The following APAF1 variants were observed in gnomAD, a reference collection of about 807,000 sequenced individuals.
APAF1 encodes apoptotic peptidase activating factor 1.
Under a neutral mutation model 152.4 loss-of-function variants are expected in APAF1, and 91 were observed. That is an observed-to-expected ratio of 0.60 (90% CI 0.50 to 0.71). The LOEUF is 0.71. APAF1 is among the 30% of genes least tolerant of loss of function. The pLI is 0.00. For missense variants in APAF1, 1,283 were observed against 1,472.0 expected (o/e 0.87, Z 2.10); for synonymous variants, 484 against 494.1 (o/e 0.98, Z 0.27).
At chr12:98,704,372 A>G (rs2097719088) in intron 18 of APAF1, among the ~76,000 whole-genome samples, 1 of 152,192 alleles carries the variant, frequency 6.6e-6, no homozygotes, top group African/African-American at 2.4e-5. Flanking sequence ...GAAGATGGGT[A>G]TGGGCCTTTT....
chr12:98,689,505 A>G (rs2097701890), intron 16 of APAF1, among the ~76,000 whole-genome samples: 1 of 151,562 alleles, frequency 6.6e-6, no homozygotes, highest in Non-Finnish European at 1.5e-5. Context: ...TGAGAGAGAG[A>G]CACAGGGTCT....
At chr12:98,669,884 C>T (rs2097677878) in intron 10 of APAF1, among the ~76,000 whole-genome samples, 1 of 141,332 alleles carries the variant, frequency 7.1e-6, no homozygotes, top group South Asian at 2.6e-4. Flanking sequence ...CCCTTCCCCT[C>T]CCCTCCCCTC....
At chr12:98,709,425 C>G (rs551147904) in intron 20 of APAF1, among the ~76,000 whole-genome samples, 1 of 151,978 alleles carries the variant, frequency 6.6e-6, no homozygotes. Flanking sequence ...TTCAGGAGCT[C>G]GGAGTGGTGG....
In APAF1 at chr12:98,676,557, G is replaced by A. The variant is rs368437914; in HGVS notation, c.1794-868G>A. ...GCAGTAATATAATATCTATACTGGT[G>A]GAATAGTTGATATTCATTAGATTGA... On this transcript the variant is annotated intron_variant, in intron 12 of 26. Transcript: ENST00000551964. Among the ~76,000 whole-genome samples the A allele has an allele frequency of 5.3e-5, 8 of 152,100 alleles. No individual in the cohort carries two copies. In the East Asian group the frequency reaches 1.4e-3, roughly 26 times the overall value.
In APAF1 at chr12:98,733,916, T is replaced by C. The variant is rs983090674; in HGVS notation, c.*1350T>C. The stretch of plus-strand genomic sequence containing the variant: ...TTACATATCAGACTTCTTACTTGAA[T>C]GAAACCTGATCTTTCCTAATCCTCA... On this transcript the variant is annotated 3_prime_UTR_variant, in exon 27 of 27. Coordinates refer to ENST00000551964, the MANE Select transcript of APAF1 (RefSeq NM_181861.2). 1.6e-5 allele frequency: 2 copies of C among 128,134 alleles called. No individual in the cohort carries two copies. Among genetic ancestry groups the C allele is most frequent in the Non-Finnish European group, 3.3e-5 (2 of 60,310 alleles). The allele number at this position is 128,134 out of a possible 1,614,324, so 7.9% of individuals were successfully genotyped here. A position where few individuals can be genotyped will look rare whatever the true frequency, so the allele number is the denominator to read the frequency against.
rs1456251788 is a variant in APAF1, at chr12:98,655,362, G to T, written c.527-3798G>T. Reference sequence around the variant, plus strand: ...CTGTTGGGCACACCTCCCAGACGGGGTGGTGGCCGGGCAGAGGGGCTCCTC... The same window carrying T: ...CTGTTGGGCACACCTCCCAGACGGGTTGGTGGCCGGGCAGAGGGGCTCCTC... On this transcript the variant is annotated intron_variant, in intron 4 of 26. Coordinates refer to ENST00000551964, the MANE Select transcript of APAF1 (RefSeq NM_181861.2). Among the ~76,000 whole-genome samples the T allele has an allele frequency of 2.6e-5, 4 of 151,414 alleles. No homozygotes were observed. The East Asian group carries it at 5.9e-4, about 22-fold the overall frequency.
At chr12:98,659,030 C>A in intron 4 of APAF1, 130 bp from the exon 5 acceptor site, 1 of 889,802 alleles carries the variant, frequency 1.1e-6, no homozygotes, top group Non-Finnish European at 1.8e-6. Flanking sequence ...AAAATTTCTA[C>A]TCTAAATCAA....
At chr12:98,687,091 G>A (rs2097698776) in intron 16 of APAF1, among the ~76,000 whole-genome samples, 1 of 152,116 alleles carries the variant, frequency 6.6e-6, no homozygotes, top group African/African-American at 2.4e-5. Context: ...TAGGCTGGGT[G>A]CGGTGGCTCA....
At chr12:98,652,570 G>C (rs2097650279) in intron 4 of APAF1, among the ~76,000 whole-genome samples, 1 of 151,356 alleles carries the variant, frequency 6.6e-6, no homozygotes, top group African/African-American at 2.4e-5. Context: ...TTGCTTTTTA[G>C]GAGTTTCTTA....
chr12:98,673,004 C>A (rs1476508050), intron 12 of APAF1, among the ~76,000 whole-genome samples: 2 of 151,608 alleles, frequency 1.3e-5, no homozygotes, highest in South Asian at 2.1e-4. Context: ...GTGATCCACC[C>A]GCCTCAGCCT....
At chr12:98,681,092 T>C (rs1470571679) in intron 14 of APAF1, among the ~76,000 whole-genome samples, 2 of 152,204 alleles carry the variant, frequency 1.3e-5, no homozygotes, top group Non-Finnish European at 2.9e-5. Context: ...GGCAGAGTCT[T>C]GCTCTGACAC....
rs766627138 is a variant in APAF1 at position 98,665,644 on chromosome 12, G to C, written c.1047G>C (p.Gln349His). Residue 349 changes from glutamine (Q) to histidine (H), a missense_variant, in exon 8 of 27, where the codon CAG becomes CAC. Physicochemically the swap from Gln to His is conservative, Grantham distance 24. Transcript: ENST00000551964. ...ACCTCAAACAGCTTCAGAATAAGCA[G>C]TTTAAGAGAATAAGGAAATCTTCGT... ...EYYLKQLQNK[Q>H]FKRIRKSSSY... 2.5e-6 allele frequency: 4 copies of C among 1,613,898 alleles called. No individual in the cohort carries two copies. Among genetic ancestry groups the C allele is most frequent in the Non-Finnish European group, 3.4e-6 (4 of 1,179,952 alleles).
At chr12:98,681,497 C>G (rs575882277) in intron 14 of APAF1, among the ~76,000 whole-genome samples, 1 of 152,114 alleles carries the variant, frequency 6.6e-6, no homozygotes, top group Admixed American at 6.5e-5. Flanking sequence ...GAAGACAGAC[C>G]TTACTTTAAC....
chr12:98,653,723 T>C (rs1334344363), intron 4 of APAF1, among the ~76,000 whole-genome samples: 1 of 115,902 alleles, frequency 8.6e-6, no homozygotes, highest in African/African-American at 3.2e-5. Flanking sequence ...TATATATATA[T>C]AGTTTTTAAC....
chr12:98,676,628 T>C (rs535169386), intron 12 of APAF1, among the ~76,000 whole-genome samples: 10 of 149,874 alleles, frequency 6.7e-5, no homozygotes, highest in African/African-American at 2.0e-4. Flanking sequence ...TATGTCTGAA[T>C]AATTGTAGTT....
rs749088101 is a variant in APAF1, at chr12:98,686,762, TC to T, written c.2194del (p.Gln732LysfsTer36). Reference sequence around the variant, plus strand: ...TTCACAAATAGCTTTGGGATTTGAATCAAAAAGAATGTCGAAATACCATGTT... The same window carrying T: ...TTCACAAATAGCTTTGGGATTTGAATAAAAAGAATGTCGAAATACCATGTT... ...DCFLKLWDLN[Q>X]KECRNTMFGH... On this transcript the variant is annotated frameshift_variant, in exon 16 of 27. Coordinates refer to ENST00000551964, the MANE Select transcript of APAF1 (RefSeq NM_181861.2). LOFTEE classifies it high-confidence loss of function. The T allele has an allele frequency of 6.2e-7, 1 of 1,613,718 alleles. No individual in the cohort carries two copies. Among genetic ancestry groups the T allele is most frequent in the Non-Finnish European group, 8.5e-7 (1 of 1,179,790 alleles).
At chr12:98,689,291 C>T (rs1338131853) in intron 16 of APAF1, among the ~76,000 whole-genome samples, 2 of 152,178 alleles carry the variant, frequency 1.3e-5, no homozygotes, top group Non-Finnish European at 2.9e-5. Flanking sequence ...TGTTTTATTT[C>T]AGCTACTGTC....
chr12:98,724,291 C>CT (rs2097747234), intron 24 of APAF1, among the ~76,000 whole-genome samples: 1 of 152,148 alleles, frequency 6.6e-6, no homozygotes, highest in African/African-American at 2.4e-5. Flanking sequence ...ATCTTCTCCT[C>CT]TTTGTCACCA....
At chr12:98,702,130 A>G (rs1265805421) in intron 17 of APAF1, among the ~76,000 whole-genome samples, 1 of 151,234 alleles carries the variant, frequency 6.6e-6, no homozygotes, top group African/African-American at 2.4e-5. Flanking sequence ...CAGTGGCGCT[A>G]TCTCGGTTCA....
Sources: allele counts gnomAD v4.1 joint callset (sites outside exome capture counted in the v4.1 genomes callset), GRCh38; gene constraint gnomAD v4.1.1; transcripts MANE v1.5; gene names NCBI Gene and HGNC (gene_info 2026-07-23, HGNC 2026-07-21).